Variants in TTN observed in about 807,000 individuals in gnomAD.
The protein encoded by TTN is titin.
In TTN, 1,525 loss-of-function variants were observed where a neutral mutation model predicts 3,223.0. The ratio of observed to expected loss-of-function variants is 0.47; its 90% CI spans 0.45 to 0.49. TTN has a LOEUF of 0.49. Ranked by LOEUF, TTN falls within the 20% of genes least tolerant of loss-of-function variation. TTN has a pLI of 0.00. For synonymous variants in TTN, 14,094 were observed against 15,161.0 expected, an observed-to-expected ratio of 0.93 and a Z score of 5.17; for missense variants, 40,786 against 43,424.0, an observed-to-expected ratio of 0.94 and a Z score of 5.40.
At chr2:178,529,270 CT>C in intron 359 of TTN, 51 bp from the exon 360 acceptor site, 1 of 1,305,456 alleles carries the variant, frequency 7.7e-7, no homozygotes, top group Non-Finnish European at 1.0e-6. Context: ...AGACCCCCAC[CT>C]TTTACTCTTC....
In TTN at chr2:178,664,025, T is replaced by C. The variant is rs762147105; in HGVS notation, c.36354A>G (p.Pro12118=). 44 of 1,613,184 alleles carry C rather than the reference T, an allele frequency of 2.7e-5. No homozygotes were observed. Among genetic ancestry groups the C allele is most frequent in the Non-Finnish European group, 3.3e-5 (39 of 1,179,742 alleles). Residue 12118 remains proline, a synonymous_variant, in exon 169 of 363, where the codon CCA becomes CCG. Coordinates refer to ENST00000589042, the MANE Select transcript of TTN (RefSeq NM_001267550.2). The stretch of plus-strand genomic sequence containing the variant: ...GTCAGTGACAAATACCTTTAACAGG[T>C]GGGACTTCAGGCTTTTTAGGAGGCA... ...SVVPPKKPEV[P]PVKVPEASKE...
chr2:178,592,172 T>C lies in TTN; in HGVS notation c.59732A>G (p.Asn19911Ser). The C allele has an allele frequency of 1.2e-6, 2 of 1,612,774 alleles. No homozygotes were observed. The highest frequency in any genetic ancestry group is 8.5e-7 in the Non-Finnish European group (1 of 1,179,446). Residue 19911 changes from asparagine to serine, a missense_variant, in exon 302 of 363, where the codon AAT (asparagine) becomes AGT (serine). Transcript: ENST00000589042. ...PLDDGGSVIT[N>S]YVVERRDVAS... ...AACATCTCTCCTCTCAACCACATAA[T>C]TGGTAATAACAGAACCACCATCATC...
Position 178,573,926 on chromosome 2 carries a change from T to C in TTN, c.72206A>G (p.Glu24069Gly). Residue 24069 changes from glutamate (E) to glycine (G), a missense_variant, in exon 326 of 363, where the codon GAG becomes GGG. Coordinates refer to ENST00000589042, the MANE Select transcript of TTN (RefSeq NM_001267550.2). ...TTCTAACTTTGCTGTGCCTTCCAGCTCTTTTCCATCTTTGCTCCATTCCAT... is the reference window on the plus strand; with the variant it reads ...TTCTAACTTTGCTGTGCCTTCCAGCCCTTTTCCATCTTTGCTCCATTCCAT... ...PTMEWSKDGK[E>G]LEGTAKLEIK... is the part of the protein sequence containing the mutation. 1 of 1,613,150 alleles carries C rather than the reference T, an allele frequency of 6.2e-7. No homozygotes were observed. Among genetic ancestry groups the C allele is most frequent in the East Asian group, 2.2e-5 (1 of 44,690 alleles).
intron 350 of TTN, 89 bp downstream of exon 350, chr2:178,541,193 A>C (rs1458258531): frequency 8.0e-7 from 1 of 1,249,104 alleles, no homozygotes; most frequent in Non-Finnish European, 1.1e-6. Flanking sequence ...CATTTTTCAA[A>C]AGTCATAGAA....
At position 178,779,466 on chromosome 2, in the gene TTN, T is replaced by C. The variant is rs2092566109; in HGVS notation, c.3730-4A>G. 1 of 1,473,476 alleles carries C rather than the reference T, an allele frequency of 6.8e-7. No homozygotes were observed. Among genetic ancestry groups the C allele is most frequent in the Non-Finnish European group, 9.4e-7 (1 of 1,058,488 alleles). The allele number at this position is 1,473,476 out of a possible 1,614,324, so 91.3% of individuals were successfully genotyped here. On this transcript the variant is annotated splice_polypyrimidine_tract_variant and splice_region_variant and intron_variant, in intron 22 of 362. Transcript: ENST00000589042. ...CAAAGGAAGAAATATGGAATTCCTA[T>C]GCAAAAAGATTATGGTCTGTTAAAA...
intron 294 of TTN, 102 bp from the exon 295 acceptor site, chr2:178,595,911 A>G: frequency 8.0e-7 from 1 of 1,250,396 alleles, no homozygotes; most frequent in South Asian, 1.5e-5. Context: ...TTTTGAAGAA[A>G]GTAAGGTTTT....
In TTN at chr2:178,604,768, T is replaced by C. The variant is rs368021072; in HGVS notation, c.54321A>G (p.Ala18107=). Residue 18107 remains alanine (A), a synonymous_variant, in exon 281 of 363, where the codon GCA becomes GCG. Coordinates refer to ENST00000589042, the MANE Select transcript of TTN (RefSeq NM_001267550.2). Reference sequence around the variant, plus strand: ...CCTCCCATTCTGCTTTCTTCCTACTTGCATCACGTTTGTCAATAACATAAT... The same window carrying C: ...CCTCCCATTCTGCTTTCTTCCTACTCGCATCACGTTTGTCAATAACATAAT... ...ITHYVIDKRD[A]SRKKAEWEEV... The C allele has an allele frequency of 6.6e-5, 107 of 1,612,142 alleles. No individual in the cohort carries two copies. Among genetic ancestry groups the C allele is most frequent in the Admixed American group, 3.3e-5 (2 of 59,896 alleles).
intron 361 of TTN, 66 bp downstream of exon 361, chr2:178,528,208 A>G (rs1439781286): frequency 6.6e-7 from 1 of 1,524,496 alleles, no homozygotes; most frequent in African/African-American, 1.4e-5. Context: ...CTGTGCTTGA[A>G]AGAGAGGCAA....
chr2:178,741,495 C>T lies in TTN; in HGVS notation c.11738G>A (p.Gly3913Glu). 1 of 1,613,804 alleles carries T rather than the reference C, an allele frequency of 6.2e-7. No homozygotes were observed. The highest frequency in any genetic ancestry group is 1.3e-5 in the African/African-American group (1 of 75,022). The change falls in exon 48 of 363, where the codon GGA becomes GAA. Residue 3913 changes from glycine (G) to glutamate (E), a missense_variant. Gly to Glu is a moderately conservative substitution (Grantham distance 98). Coordinates refer to ENST00000589042, the MANE Select transcript of TTN (RefSeq NM_001267550.2). ...CSAYLKINSK[G>E]EGHKDTETES... ...TGTTTCAGTGTCTTTGTGACCCTCTCCTTTGGAATTAATTTTTAGATAGGC... is the reference window on the plus strand; with the variant it reads ...TGTTTCAGTGTCTTTGTGACCCTCTTCTTTGGAATTAATTTTTAGATAGGC...
chr2:178,696,915 A>C (rs570560966), intron 113 of TTN, among the ~76,000 whole-genome samples: 2 of 152,194 alleles, frequency 1.3e-5, no homozygotes, highest in South Asian at 4.1e-4. Context: ...ACCATTGCAC[A>C]GAGGCAGCAT....
chr2:178,748,590 T>G, intron 47 of TTN: 1 of 1,613,128 alleles, frequency 6.2e-7, no homozygotes, highest in Non-Finnish European at 8.5e-7. Context: ...TGTTGGATTT[T>G]AAAATAAGCT....
chr2:178,673,220 G>C (rs1481715119), intron 152 of TTN, among the ~76,000 whole-genome samples: 4 of 151,726 alleles, frequency 2.6e-5, no homozygotes, highest in African/African-American at 9.7e-5. Context: ...AAAGGGACGT[G>C]AGGCTCTTTA....
In TTN at chr2:178,570,879, T is replaced by A; in HGVS notation, c.75253A>T (p.Asn25085Tyr). 6.2e-7 allele frequency: 1 copy of A among 1,613,560 alleles called. No individual in the cohort carries two copies. The highest frequency in any genetic ancestry group is 8.5e-7 in the Non-Finnish European group (1 of 1,179,624). ...HRYEFRVIAR[N>Y]AAGVFSEPSE... ...GGCTCACTAAACACTCCTGCGGCAT[T>A]TCGGGCTATAACCCGGAACTCATAT... Residue 25085 changes from asparagine to tyrosine, a missense_variant, in exon 326 of 363, where the codon AAT becomes TAT. Transcript: ENST00000589042.
chr2:178,701,517 C>A lies in TTN; in HGVS notation c.30598+11G>T. On this transcript the variant is annotated intron_variant, in intron 110 of 362. Coordinates refer to ENST00000589042, the MANE Select transcript of TTN (RefSeq NM_001267550.2). ...TGCTCCAAGCTCAGATGTTGAGGTT[C>A]TGGGTCTTACCTTCTGGTGGCACTG... The A allele has an allele frequency of 6.2e-7, 1 of 1,610,916 alleles. No individual in the cohort carries two copies. The highest frequency in any genetic ancestry group is 8.5e-7 in the Non-Finnish European group (1 of 1,178,696).
Position 178,724,503 on chromosome 2 carries a change from T to C in TTN, c.20872A>G (p.Thr6958Ala). The change falls in exon 72 of 363, where the codon ACG (threonine) becomes GCG (alanine). Residue 6958 changes from threonine to alanine, a missense_variant. Transcript: ENST00000589042. ...GTGCACGTTTCTCCTACAGTCACCGTCATCGGTCCTGCCTTCTCAACAATG... is the reference window on the plus strand; with the variant it reads ...GTGCACGTTTCTCCTACAGTCACCGCCATCGGTCCTGCCTTCTCAACAATG... The part of the protein sequence containing the change: ...AVIVEKAGPM[T>A]VTVGETCTLE... The C allele has an allele frequency of 6.2e-7, 1 of 1,606,722 alleles. No homozygotes were observed. Among genetic ancestry groups the C allele is most frequent in the Non-Finnish European group, 8.5e-7 (1 of 1,174,444 alleles).
At chr2:178,613,991 A>G (rs1420457813) in intron 262 of TTN, 54 bp from the exon 263 acceptor site, 4 of 1,608,998 alleles carry the variant, frequency 2.5e-6, no homozygotes, top group East Asian at 4.5e-5. Context: ...TAAATATGAC[A>G]CCAAAATGCA....
rs766069724 is a variant in TTN, at chr2:178,702,236, G to A, written c.30443C>T (p.Ser10148Leu). The A allele has an allele frequency of 1.4e-5, 23 of 1,613,812 alleles. No individual in the cohort carries two copies. The highest frequency in any genetic ancestry group is 6.7e-5 in the East Asian group (3 of 44,904). ...TCTTGGCTCCAGCCGAGCGATGACC[G>A]AGTAGACACCTAGGGTGAAAAATCA... is the stretch of plus-strand genomic sequence containing the variant. ...NVTPDDEGVY[S>L]VIARLEPRGE... Residue 10148 changes from serine (S) to leucine (L), a missense_variant, in exon 108 of 363, where the codon TCG becomes TTG. Coordinates refer to ENST00000589042, the MANE Select transcript of TTN (RefSeq NM_001267550.2).
chr2:178,532,292 G>A lies in TTN; in HGVS notation c.104323C>T (p.Arg34775Cys), dbSNP rs1689481133. Residue 34775 changes from arginine to cysteine, a missense_variant, in exon 358 of 363, where the codon CGC becomes TGC. By Grantham distance (180) the Arg-to-Cys change is radical (BLOSUM62 -3). Coordinates refer to ENST00000589042, the MANE Select transcript of TTN (RefSeq NM_001267550.2). ...AGATGCTGGGTGGTCGTAACTGGGC[G>A]AAGCAACTCTTCATCCTCCCTCTCA... ...MAEREDEELL[R>C]PVTTTQHLSE... 3.7e-6 allele frequency: 6 copies of A among 1,613,812 alleles called. No homozygotes were observed. The highest frequency in any genetic ancestry group is 2.2e-5 in the East Asian group (1 of 44,898).
In TTN at chr2:178,704,657, C is replaced by G. The variant is rs727503638; in HGVS notation, c.29815G>C (p.Glu9939Gln). ...EIKLSWYKGT[E>Q]KLEPSDKFEI... ...AATTTATCACTGGGTTCCAGTTTTT[C>G]AGTTCCTTTGTACCACGAAAGCTTG... The change falls in exon 105 of 363, where the codon GAA becomes CAA. Residue 9939 changes from glutamate (E) to glutamine (Q), a missense_variant. Physicochemically the swap from Glu to Gln is conservative, Grantham distance 29. Coordinates refer to ENST00000589042, the MANE Select transcript of TTN (RefSeq NM_001267550.2). 10 of 1,612,164 alleles carry G rather than the reference C, an allele frequency of 6.2e-6. No individual in the cohort carries two copies. In the South Asian group the frequency reaches 1.1e-4, roughly 18 times the overall value.
Sources: allele counts gnomAD v4.1 joint callset (sites outside exome capture counted in the v4.1 genomes callset), GRCh38; gene constraint gnomAD v4.1.1; transcripts MANE v1.5; gene names NCBI Gene and HGNC (gene_info 2026-07-23, HGNC 2026-07-21).